KANSL1: variants seen among roughly 807,000 people sequenced by gnomAD.
KANSL1 encodes the protein KAT8 regulatory NSL complex subunit 1, also known as MLL1/MLL complex subunit KANSL1.
In KANSL1, 22 loss-of-function variants were observed where a neutral mutation model predicts 103.6. The ratio of observed to expected loss-of-function variants is 0.21; its 90% CI spans 0.15 to 0.30. The LOEUF (loss-of-function observed/expected upper bound fraction) is 0.30, where lower values mean the gene tolerates loss of function less well. KANSL1 is among the 10% of genes least tolerant of loss of function. KANSL1 has a pLI of 1.00. For synonymous variants in KANSL1, 600 were observed against 527.6 expected (o/e 1.14, Z -1.88); for missense variants, 1,337 against 1,399.8 (o/e 0.96, Z 0.72).
At chr17:46,156,088 T>G (rs1040854551) in intron 2 of KANSL1, among the ~76,000 whole-genome samples, 1 of 152,222 alleles carries the variant, frequency 6.6e-6, no homozygotes, top group African/African-American at 2.4e-5. Flanking sequence ...GGCTCACACT[T>G]GTAATCCCAA....
chr17:46,053,728 C>T (rs1226271808), intron 6 of KANSL1, among the ~76,000 whole-genome samples: 2 of 152,084 alleles, frequency 1.3e-5, no homozygotes, highest in Admixed American at 6.5e-5. Context: ...GCCACCGCAC[C>T]CGGCCAAAGA....
intron 1 of KANSL1, among the ~76,000 whole-genome samples, chr17:46,214,240 T>C: frequency 6.6e-6 from 1 of 152,170 alleles, no homozygotes; most frequent in Non-Finnish European, 1.5e-5. Context: ...ATCCAAAGAG[T>C]AAGGCCAAGA....
At chr17:46,198,676 G>A (rs1024673860), upstream of KANSL1, among the ~76,000 whole-genome samples, 1 of 152,234 alleles carries the variant, frequency 6.6e-6, no homozygotes, top group Non-Finnish European at 1.5e-5. Context: ...AGGATGCAGT[G>A]AGCCAAGATC....
At chr17:46,210,514 C>T (rs2148020030) in intron 1 of KANSL1, among the ~76,000 whole-genome samples, 1 of 45,954 alleles carries the variant, frequency 2.2e-5, no homozygotes, top group East Asian at 7.3e-4. Context: ...ACCTGAGTGG[C>T]CACAGGATGA....
chr17:46,050,785 T>C, intron 6 of KANSL1, 81 bp from the exon 7 acceptor site: 1 of 1,308,024 alleles, frequency 7.6e-7, no homozygotes, highest in Middle Eastern at 2.5e-4. Flanking sequence ...CATTTGTTAT[T>C]GAGAAGTTAG....
At chr17:46,208,616 C>CAAAA (rs149187563) in intron 1 of KANSL1, among the ~76,000 whole-genome samples, 1 of 81,204 alleles carries the variant, frequency 1.2e-5, no homozygotes, top group Non-Finnish European at 2.2e-5. Context: ...GACCCTGTCT[C>CAAAA]AAAAAAAAAA....
chr17:46,147,501 G>A (rs1051407942), intron 2 of KANSL1, among the ~76,000 whole-genome samples: 1 of 151,188 alleles, frequency 6.6e-6, no homozygotes, highest in Admixed American at 6.6e-5. Context: ...TTGAGACTAG[G>A]AGGCAGAGGG....
Position 46,094,596 on chromosome 17 carries a change from C to T in KANSL1, c.1395G>A (p.Gln465=). ...HVSDLEYRIR[Q]QTDIYKQIRA... ...GTATCTGTTTGTAAATGTCTGTTTG[C>T]TGACGAATTCGATATTCCAAGTCAG... Residue 465 remains glutamine, a synonymous_variant, in exon 3 of 15, where the codon CAG becomes CAA. Coordinates refer to ENST00000432791, the MANE Select transcript of KANSL1 (RefSeq NM_015443.4). 6.2e-7 allele frequency: 1 copy of T among 1,613,730 alleles called. No homozygotes were observed. The highest frequency in any genetic ancestry group is 8.5e-7 in the Non-Finnish European group (1 of 1,179,986).
At chr17:46,166,806 C>G (rs575929446) in intron 2 of KANSL1, among the ~76,000 whole-genome samples, 2 of 152,152 alleles carry the variant, frequency 1.3e-5, no homozygotes, top group African/African-American at 2.4e-5. Flanking sequence ...ATTACAGCAC[C>G]CAGGTAATAA....
intron 6 of KANSL1, among the ~76,000 whole-genome samples, chr17:46,059,914 C>CA (rs1293035516): frequency 6.6e-6 from 1 of 151,894 alleles, no homozygotes; most frequent in Non-Finnish European, 1.5e-5. Flanking sequence ...AGCCTGGCGA[C>CA]AGAGCGAGAC....
intron 6 of KANSL1, among the ~76,000 whole-genome samples, chr17:46,059,065 A>G (rs2078050689): frequency 6.6e-6 from 1 of 151,216 alleles, no homozygotes; most frequent in African/African-American, 2.4e-5. Flanking sequence ...AAAAAAAGAA[A>G]GAAAGAAAAA....
In KANSL1 at chr17:46,115,887, GC is replaced by G. The variant is rs2043024893; in HGVS notation, c.1290-21187del. ...GACATCAGGCAAATGCCACATAACT[GC>G]TGGACAGTAAGTTATCACCACAGTA... On this transcript the variant is annotated intron_variant, in intron 2 of 14. Coordinates refer to ENST00000432791, the MANE Select transcript of KANSL1 (RefSeq NM_015443.4). Among the ~76,000 whole-genome samples the G allele has an allele frequency of 2.0e-5, 3 of 152,320 alleles. No individual in the cohort carries two copies. The South Asian group carries it at 6.2e-4, about 32-fold the overall frequency.
chr17:46,136,300 C>T (rs1445183175), intron 2 of KANSL1, among the ~76,000 whole-genome samples: 1 of 152,204 alleles, frequency 6.6e-6, no homozygotes, highest in East Asian at 1.9e-4. Context: ...TTGATCAAAA[C>T]TCTTACTTCT....
intron 2 of KANSL1, among the ~76,000 whole-genome samples, chr17:46,139,035 T>C (rs2044289029): frequency 6.6e-6 from 1 of 152,186 alleles, no homozygotes; most frequent in Non-Finnish European, 1.5e-5. Flanking sequence ...TGCTAAGAAG[T>C]CTTGAGTTTT....
At chr17:46,219,646 G>A (rs1235328579) in intron 1 of KANSL1, among the ~76,000 whole-genome samples, 25 of 152,268 alleles carry the variant, frequency 1.6e-4, no homozygotes, top group African/African-American at 5.5e-4. Flanking sequence ...GATTACAGGC[G>A]TGAGCCATCG....
At chr17:46,213,804 G>C (rs1386916158) in intron 1 of KANSL1, among the ~76,000 whole-genome samples, 1 of 151,984 alleles carries the variant, frequency 6.6e-6, no homozygotes, top group Non-Finnish European at 1.5e-5. Flanking sequence ...TGTAGTCCGA[G>C]ATACTCAGGA....
chr17:46,041,900 G>GTA (rs2077333861), intron 7 of KANSL1: 1 of 141,530 alleles, frequency 7.1e-6, no homozygotes, highest in African/African-American at 2.6e-5. Flanking sequence ...GTGTGTGTGT[G>GTA]TGTGTGTGTG....
intron 1 of KANSL1, among the ~76,000 whole-genome samples, chr17:46,178,485 AG>A (rs1238955135): frequency 2.0e-5 from 3 of 152,270 alleles, no homozygotes; most frequent in Non-Finnish European, 4.4e-5. Flanking sequence ...TCATTCAGTT[AG>A]TAAACTATAA....
At chr17:46,073,947 T>TA (rs1380035260) in intron 4 of KANSL1, among the ~76,000 whole-genome samples, 1 of 152,118 alleles carries the variant, frequency 6.6e-6, no homozygotes, top group Admixed American at 6.5e-5. Flanking sequence ...GGTATGAACT[T>TA]ACGGTTTTTT....
Sources: gnomAD v4.1 joint callset for allele counts (sites outside exome capture counted in the v4.1 genomes callset) on GRCh38, gnomAD v4.1.1 for gene constraint, MANE v1.5 for transcripts, NCBI Gene and HGNC (gene_info 2026-07-23, HGNC 2026-07-21) for gene names.